The following EPHB1 variants were observed in gnomAD, a reference collection of about 807,000 sequenced individuals.
The protein encoded by EPHB1 is EPH receptor B1.
EPHB1 carries 30 observed loss-of-function variants against 94.4 expected under a neutral mutation model. That is an observed-to-expected ratio of 0.32 (90% CI 0.24 to 0.43). EPHB1 has a LOEUF of 0.43. EPHB1 is among the 20% of genes least tolerant of loss of function. The probability of loss-of-function intolerance (pLI) is 1.00; values close to 1 mark genes in which losing one functional copy is unlikely to be tolerated. For synonymous variants in EPHB1, 522 were observed against 489.1 expected, an observed-to-expected ratio of 1.07 and a Z score of -0.89; for missense variants, 1,055 against 1,308.3, an observed-to-expected ratio of 0.81 and a Z score of 2.99.
chr3:134,835,054 G>A (rs961347213), intron 1 of EPHB1, among the ~76,000 whole-genome samples: 2 of 152,208 alleles, frequency 1.3e-5, no homozygotes, highest in African/African-American at 4.8e-5. Flanking sequence ...CTGGACCTGT[G>A]GTGTAATGGG....
intron 3 of EPHB1, among the ~76,000 whole-genome samples, chr3:134,980,677 C>T (rs2107733266): frequency 6.6e-6 from 1 of 152,268 alleles, no homozygotes; most frequent in Middle Eastern, 3.4e-3. Context: ...TTTAGTTCTC[C>T]CTGGCATACC....
At chr3:134,923,906 A>G (rs1162253273) in intron 1 of EPHB1, among the ~76,000 whole-genome samples, 1 of 152,198 alleles carries the variant, frequency 6.6e-6, no homozygotes, top group African/African-American at 2.4e-5. Flanking sequence ...AACCCAAACA[A>G]TGCATCATTT....
intron 3 of EPHB1, among the ~76,000 whole-genome samples, chr3:135,055,642 C>A (rs1937326475): frequency 6.6e-6 from 1 of 152,198 alleles, no homozygotes; most frequent in Admixed American, 6.5e-5. Flanking sequence ...AAGTTGCTTT[C>A]TAAAAGGTAG....
At chr3:135,193,504 A>G (rs929898920) in intron 11 of EPHB1, among the ~76,000 whole-genome samples, 2 of 152,172 alleles carry the variant, frequency 1.3e-5, no homozygotes, top group African/African-American at 4.8e-5. Context: ...GAGCACCTAG[A>G]GGAAGGGTGA....
At chr3:135,209,172 GA>G (rs1305108619) in intron 12 of EPHB1, among the ~76,000 whole-genome samples, 19 of 152,272 alleles carry the variant, frequency 1.2e-4, no homozygotes, top group Non-Finnish European at 2.9e-5. Context: ...CCCTGTAGAG[GA>G]AAGAATGATG....
chr3:135,015,730 G>A (rs1395352843), intron 3 of EPHB1, among the ~76,000 whole-genome samples: 1 of 152,146 alleles, frequency 6.6e-6, no homozygotes, highest in African/African-American at 2.4e-5. Context: ...AAAATGGCCT[G>A]GGGGAGGTTT....
rs559942771 is a variant in EPHB1 at position 134,924,811 on chromosome 3, A to G, written c.59-1005A>G. Among the ~76,000 whole-genome samples the G allele has an allele frequency of 8.5e-5, 13 of 152,366 alleles. No individual in the cohort carries two copies. In the East Asian group the frequency reaches 1.5e-3, roughly 18 times the overall value. On this transcript the variant is annotated intron_variant, in intron 1 of 15. Coordinates refer to ENST00000398015, the MANE Select transcript of EPHB1 (RefSeq NM_004441.5). The stretch of plus-strand genomic sequence containing the variant: ...AGAAGCAAGATTTTTTAAAAATGGC[A>G]TATACTATATGGTTCCATTTATACG...
At chr3:135,241,351 G>GGTAT in intron 13 of EPHB1, 54 bp downstream of exon 13, 1 of 1,605,950 alleles carries the variant, frequency 6.2e-7, no homozygotes, top group African/African-American at 1.3e-5. Context: ...GGATCCCAAA[G>GGTAT]GCAGTAGCAT....
chr3:135,158,843 T>C lies in EPHB1; in HGVS notation c.1423-3175T>C, dbSNP rs558280436. On this transcript the variant is annotated intron_variant, in intron 6 of 15. Transcript: ENST00000398015. ...TCAGCTGTCTTAATGATTAAACGTT[T>C]ATGGTTACTCGCTCTTCATAATAAC... Among the ~76,000 whole-genome samples the C allele has an allele frequency of 5.9e-5, 9 of 152,304 alleles. No individual in the cohort carries two copies. In the East Asian group the frequency reaches 1.7e-3, roughly 29 times the overall value.
intron 1 of EPHB1, among the ~76,000 whole-genome samples, chr3:134,892,319 T>G (rs908014264): frequency 6.6e-6 from 1 of 152,166 alleles, no homozygotes; most frequent in Non-Finnish European, 1.5e-5. Flanking sequence ...AGTTCCATGC[T>G]TAGACCCCAG....
intron 1 of EPHB1, among the ~76,000 whole-genome samples, chr3:134,817,367 C>G (rs1357801990): frequency 6.6e-6 from 1 of 152,188 alleles, no homozygotes; most frequent in Non-Finnish European, 1.5e-5. Context: ...GGTGCCATGG[C>G]TCACCCAGCA....
chr3:135,199,089 A>G (rs889511850), intron 11 of EPHB1, among the ~76,000 whole-genome samples: 5 of 152,258 alleles, frequency 3.3e-5, no homozygotes, highest in African/African-American at 1.2e-4. Flanking sequence ...TGCTGCATGC[A>G]CTTTCAACAT....
At chr3:135,188,169 A>T (rs892145258) in intron 10 of EPHB1, among the ~76,000 whole-genome samples, 1 of 151,468 alleles carries the variant, frequency 6.6e-6, no homozygotes, top group Non-Finnish European at 1.5e-5. Context: ...ACTGTACTAC[A>T]GCCTGGGCAA....
chr3:134,961,640 C>A (rs573919653), intron 3 of EPHB1, among the ~76,000 whole-genome samples: 1 of 152,326 alleles, frequency 6.6e-6, no homozygotes, highest in African/African-American at 2.4e-5. Flanking sequence ...TGCATAGGGG[C>A]ACACTACAGA....
chr3:135,106,283 T>C (rs1228054386), intron 3 of EPHB1, among the ~76,000 whole-genome samples, 165 bp from the exon 4 acceptor site: 27 of 152,244 alleles, frequency 1.8e-4, no homozygotes, highest in Admixed American at 1.8e-3. Context: ...TTTTGAAGAA[T>C]TGGAAGTGTT....
At chr3:135,218,718 T>C (rs991862949) in intron 12 of EPHB1, among the ~76,000 whole-genome samples, 2 of 152,258 alleles carry the variant, frequency 1.3e-5, no homozygotes, top group Non-Finnish European at 2.9e-5. Context: ...ACACTGCAGT[T>C]AACAAAACAG....
intron 3 of EPHB1, among the ~76,000 whole-genome samples, chr3:134,996,728 A>G (rs1268704192): frequency 6.6e-6 from 1 of 151,982 alleles, no homozygotes. Context: ...AATCTTAGTT[A>G]TATTAATTTG....
chr3:135,226,567 A>G (rs1943408373), intron 12 of EPHB1, among the ~76,000 whole-genome samples: 1 of 152,068 alleles, frequency 6.6e-6, no homozygotes, highest in Non-Finnish European at 1.5e-5. Context: ...TGCTCTTCCA[A>G]CCCTGAATTC....
At chr3:134,823,157 C>T (rs1399203527) in intron 1 of EPHB1, among the ~76,000 whole-genome samples, 2 of 152,176 alleles carry the variant, frequency 1.3e-5, no homozygotes, top group African/African-American at 2.4e-5. Context: ...ATTGCTTTTG[C>T]TTAAAAGCCA....
Sources: gnomAD v4.1 joint callset for allele counts (sites outside exome capture counted in the v4.1 genomes callset) on GRCh38, gnomAD v4.1.1 for gene constraint, MANE v1.5 for transcripts, NCBI Gene and HGNC (gene_info 2026-07-23, HGNC 2026-07-21) for gene names.